Variants in CDH13 observed in about 807,000 individuals in gnomAD.
CDH13 encodes cadherin 13, also known as cadherin-13.
A neutral mutation model predicts 63.8 loss-of-function variants in CDH13; 24 were observed. The observed-to-expected ratio is 0.38, with a 90% CI of 0.27 to 0.53. The LOEUF is 0.53. CDH13 is among the 20% of genes least tolerant of loss of function. The pLI is 0.85. For synonymous variants in CDH13, 503 were observed against 355.3 expected, an observed-to-expected ratio of 1.42 and a Z score of -4.67; for missense variants, 1,049 against 903.1, an observed-to-expected ratio of 1.16 and a Z score of -2.07.
intron 1 of CDH13, among the ~76,000 whole-genome samples, chr16:82,766,822 T>A (rs942544037): frequency 6.6e-6 from 1 of 152,190 alleles, no homozygotes; most frequent in African/African-American, 2.4e-5. Flanking sequence ...TAACATATAA[T>A]ATTGACCTTA....
intron 6 of CDH13, among the ~76,000 whole-genome samples, chr16:83,481,354 C>G (rs976222432): frequency 6.6e-6 from 1 of 152,188 alleles, no homozygotes; most frequent in Non-Finnish European, 1.5e-5. Flanking sequence ...ATGTTAAGAA[C>G]AGCATAATTT....
intron 1 of CDH13, among the ~76,000 whole-genome samples, chr16:82,688,609 G>T (rs1915323139): frequency 6.6e-6 from 1 of 152,170 alleles, no homozygotes; most frequent in Non-Finnish European, 1.5e-5. Flanking sequence ...TCATTCATCT[G>T]ATGACATGCT....
chr16:83,403,860 A>G (rs2092004568), intron 6 of CDH13, among the ~76,000 whole-genome samples: 2 of 152,336 alleles, frequency 1.3e-5, no homozygotes, highest in South Asian at 4.1e-4. Context: ...AGGGAAAAAT[A>G]AAAGGAAGGT....
At chr16:82,675,107 TTAA>T (rs954447304) in intron 1 of CDH13, among the ~76,000 whole-genome samples, 2 of 108,936 alleles carry the variant, frequency 1.8e-5, no homozygotes, top group Non-Finnish European at 4.1e-5. Context: ...TTTAGCTGTC[TTAA>T]TAATTTTGCA....
chr16:83,594,649 G>A lies in CDH13; in HGVS notation c.961-7805G>A, dbSNP rs1244259897. On this transcript the variant is annotated intron_variant, in intron 7 of 13. Coordinates refer to ENST00000567109, the MANE Select transcript of CDH13 (RefSeq NM_001257.5). Reference sequence around the variant, plus strand: ...AAGAGAGATGTAGAGTGCAGTTCAAGACCAGGCGAGAGAGAGATGGGGTAC... The same window carrying A: ...AAGAGAGATGTAGAGTGCAGTTCAAAACCAGGCGAGAGAGAGATGGGGTAC... Among the ~76,000 whole-genome samples, 33 of 152,216 alleles carry A rather than the reference G, an allele frequency of 2.2e-4. 1 individual carries two copies. Among genetic ancestry groups the A allele is most frequent in the Non-Finnish European group, 4.4e-5 (3 of 68,036 alleles).
chr16:83,213,439 G>T (rs2039396391), intron 4 of CDH13, among the ~76,000 whole-genome samples: 1 of 152,134 alleles, frequency 6.6e-6, no homozygotes, highest in African/African-American at 2.4e-5. Context: ...CTTCTAGAAG[G>T]TCTGGGTGCT....
chr16:82,794,600 C>T (rs1054287108), intron 1 of CDH13, among the ~76,000 whole-genome samples: 2 of 151,992 alleles, frequency 1.3e-5, no homozygotes, highest in Non-Finnish European at 1.5e-5. Context: ...AAATATTTGA[C>T]GACAACGGAA....
chr16:82,881,518 G>C (rs919260450), intron 2 of CDH13, among the ~76,000 whole-genome samples: 1 of 152,130 alleles, frequency 6.6e-6, no homozygotes, highest in East Asian at 1.9e-4. Flanking sequence ...CTGTGGGAAG[G>C]AGCCATGACC....
chr16:83,224,306 A>G (rs553594737), intron 5 of CDH13, among the ~76,000 whole-genome samples: 2 of 152,358 alleles, frequency 1.3e-5, no homozygotes, highest in South Asian at 2.1e-4. Context: ...TTGAGCTGCT[A>G]TAAACATGTG....
chr16:83,455,793 C>T (rs1051579342), intron 6 of CDH13, among the ~76,000 whole-genome samples: 6 of 152,216 alleles, frequency 3.9e-5, no homozygotes, highest in Admixed American at 1.3e-4. Flanking sequence ...GGCAGCATCT[C>T]TTCTGTTAGT....
chr16:83,007,180 C>G (rs763130618), intron 2 of CDH13, among the ~76,000 whole-genome samples: 34 of 152,190 alleles, frequency 2.2e-4, no homozygotes, highest in Non-Finnish European at 4.0e-4. Context: ...CCTCGGCCTC[C>G]CAGAGTGCTG....
Position 83,743,851 on chromosome 16 carries a change from G to A in CDH13, c.1539-4257G>A, listed in dbSNP as rs3784981. Among the ~76,000 whole-genome samples the A allele has an allele frequency of 9.4e-3, 1,355 of 144,878 alleles. 61 individuals carry two copies. Among genetic ancestry groups the A allele is most frequent in the Admixed American group, 0.071 (989 of 13,854 alleles). The stretch of plus-strand genomic sequence containing the variant: ...TTTACCGGGCACCGTCTGCGTCCAG[G>A]CACTCTACTCGGCCCTGGGGGTGCA... On this transcript the variant is annotated intron_variant, in intron 10 of 13. Transcript: ENST00000567109.
At chr16:83,158,222 T>C (rs1189781176) in intron 4 of CDH13, among the ~76,000 whole-genome samples, 1 of 152,148 alleles carries the variant, frequency 6.6e-6, no homozygotes, top group African/African-American at 2.4e-5. Context: ...TCATCTTATT[T>C]TTAAATAAAA....
chr16:82,948,115 C>CT (rs760879320), intron 2 of CDH13, among the ~76,000 whole-genome samples: 1 of 152,202 alleles, frequency 6.6e-6, no homozygotes. Flanking sequence ...GCCGGTAACT[C>CT]TAACGTTATT....
intron 2 of CDH13, among the ~76,000 whole-genome samples, chr16:82,938,943 G>A (rs1597253301): frequency 6.6e-6 from 1 of 152,148 alleles, no homozygotes; most frequent in African/African-American, 2.4e-5. Flanking sequence ...TCCAACCAGA[G>A]GGGCATCACA....
At chr16:83,199,083 G>C (rs2038954297) in intron 4 of CDH13, among the ~76,000 whole-genome samples, 1 of 152,146 alleles carries the variant, frequency 6.6e-6, no homozygotes, top group African/African-American at 2.4e-5. Context: ...CTTACAAATG[G>C]GCCCGGGTAC....
intron 1 of CDH13, among the ~76,000 whole-genome samples, chr16:82,638,433 A>G (rs1908953386): frequency 6.6e-6 from 1 of 152,200 alleles, no homozygotes; most frequent in South Asian, 2.1e-4. Context: ...ACAACTGAAA[A>G]GGAATATCTA....
intron 7 of CDH13, among the ~76,000 whole-genome samples, chr16:83,601,967 C>T (rs1907837186): frequency 1.3e-5 from 2 of 151,304 alleles, no homozygotes; most frequent in African/African-American, 4.9e-5. Context: ...GTGATGGGCG[C>T]CTGTAATCCC....
rs1050378902 is a variant in CDH13 at position 83,748,372 on chromosome 16, A to G, written c.1681+122A>G. 6 of 835,658 alleles carry G rather than the reference A, an allele frequency of 7.2e-6. No homozygotes were observed. The East Asian group carries it at 9.9e-5, about 14-fold the overall frequency. The allele number at this position is 835,658 out of a possible 1,614,324, so 51.8% of individuals were successfully genotyped here. On this transcript the variant is annotated intron_variant, in intron 11 of 13. Transcript: ENST00000567109. The stretch of plus-strand genomic sequence containing the variant: ...GGGAAGAATGTAAGTGTGTGGGAAC[A>G]GCAAAGTAAATGTTTAAATATACAC...
Sources: allele counts gnomAD v4.1 joint callset (sites outside exome capture counted in the v4.1 genomes callset), GRCh38; gene constraint gnomAD v4.1.1; transcripts MANE v1.5; gene names NCBI Gene and HGNC (gene_info 2026-07-23, HGNC 2026-07-21).